Variants in CASK observed in about 807,000 individuals in gnomAD.
The protein encoded by CASK is peripheral plasma membrane protein CASK.
CASK carries 4 observed loss-of-function variants against 82.9 expected under a neutral mutation model. The observed-to-expected ratio is 0.05, with a 90% CI of 0.02 to 0.11. The LOEUF is 0.11. CASK is among the 10% of genes least tolerant of loss of function. The pLI, the probability that CASK is intolerant of heterozygous loss-of-function variation, is 1.00. For missense variants in CASK, 358 were observed against 720.9 expected (o/e 0.50, Z 5.76); for synonymous variants, 259 against 253.5 (o/e 1.02, Z -0.20).
At chrX:41,585,334 A>C (rs1298919897) in intron 14 of CASK, 2 of 113,021 alleles carry the variant, frequency 1.8e-5, no homozygotes, top group Non-Finnish European at 3.7e-5. Context: ...ACTTGAATTC[A>C]GCCTTTAATG....
At chrX:41,733,084 G>A (rs2068428862) in intron 5 of CASK, among the ~76,000 whole-genome samples, 1 of 107,518 alleles carries the variant, frequency 9.3e-6, no homozygotes, top group Non-Finnish European at 1.9e-5. Context: ...GCTGAGGCAG[G>A]AGAATTGCTT....
chrX:41,861,738 G>GTA (rs1299328775), intron 1 of CASK, among the ~76,000 whole-genome samples: 2 of 99,313 alleles, frequency 2.0e-5, no homozygotes, highest in African/African-American at 7.4e-5. Flanking sequence ...CATATATAAT[G>GTA]TATATATATT....
chrX:41,698,951 G>A (rs1276778919), intron 5 of CASK, among the ~76,000 whole-genome samples: 1 of 111,066 alleles, frequency 9.0e-6, no homozygotes, highest in African/African-American at 3.3e-5. Flanking sequence ...TTTTGAGATG[G>A]AGTCTCACTC....
Position 41,649,165 on chromosome X carries a change from C to T in CASK, c.831+11274G>A, listed in dbSNP as rs779940943. Among the ~76,000 whole-genome samples, 79 of 111,053 alleles carry T rather than the reference C, an allele frequency of 7.1e-4. 2 individuals are homozygous for T. In the East Asian group the frequency reaches 0.02, roughly 27 times the overall value. ...TCTCTTTTCTTATTAGTCTTGCTAG[C>T]GGTGTATCAATTTTGTTGATCTTTT... is the stretch of plus-strand genomic sequence containing the variant. On this transcript the variant is annotated intron_variant, in intron 8 of 26. Transcript: ENST00000378163.
intron 4 of CASK, chrX:41,743,449 A>G (rs1464590272): frequency 7.4e-6 from 2 of 270,909 alleles, no homozygotes; most frequent in Non-Finnish European, 1.3e-5. Context: ...AAAAGAGAAT[A>G]TTTAGCTTTA....
At chrX:41,860,522 TA>T (rs2071458428) in intron 1 of CASK, among the ~76,000 whole-genome samples, 1 of 112,325 alleles carries the variant, frequency 8.9e-6, no homozygotes, top group Non-Finnish European at 1.9e-5. Flanking sequence ...ATTTCATCAA[TA>T]AATCCTTTCC....
chrX:41,912,038 C>T (rs770227039), intron 1 of CASK, among the ~76,000 whole-genome samples: 1 of 107,719 alleles, frequency 9.3e-6, no homozygotes, highest in East Asian at 2.9e-4. Flanking sequence ...CCTTGCCCCC[C>T]AACCCCCAAC....
intron 5 of CASK, among the ~76,000 whole-genome samples, chrX:41,710,796 G>A (rs1355886240): frequency 9.0e-6 from 1 of 111,617 alleles, no homozygotes; most frequent in Non-Finnish European, 1.9e-5. Flanking sequence ...AGGGGCTGAA[G>A]GTTAAATTAA....
At chrX:41,774,757 C>T (rs1280820574) in intron 3 of CASK, among the ~76,000 whole-genome samples, 3 of 109,219 alleles carry the variant, frequency 2.7e-5, no homozygotes, top group African/African-American at 6.7e-5. Context: ...TGATCTTTGA[C>T]AAACCTGAGA....
At chrX:41,715,541 G>C (rs6610609) in intron 5 of CASK, among the ~76,000 whole-genome samples, 113 of 108,978 alleles carry the variant, frequency 1.0e-3, no homozygotes, top group African/African-American at 3.6e-3. Flanking sequence ...AGAATCACTT[G>C]AACTCAGGAG....
At position 41,842,935 on chromosome X, in the gene CASK, T is replaced by C. The variant is rs774187371; in HGVS notation, c.172+10180A>G. Among the ~76,000 whole-genome samples, 8 of 112,085 alleles carry C rather than the reference T, an allele frequency of 7.1e-5. No individual in the cohort carries two copies. The South Asian group carries it at 1.5e-3, about 21-fold the overall frequency. ...TTATTCTTTTTGATGCTGTGGTAAA[T>C]GGAATTGCTTTCTTAACTTCATTTT... On this transcript the variant is annotated intron_variant, in intron 2 of 26. Transcript: ENST00000378163.
At chrX:41,816,530 A>G (rs1406329624) in intron 2 of CASK, among the ~76,000 whole-genome samples, 1 of 111,370 alleles carries the variant, frequency 9.0e-6, no homozygotes, top group Non-Finnish European at 1.9e-5. Flanking sequence ...ATAGAATAGG[A>G]AAAAGTAAAT....
chrX:41,582,338 T>C (rs932953944), intron 14 of CASK, among the ~76,000 whole-genome samples: 2 of 111,957 alleles, frequency 1.8e-5, no homozygotes, highest in Admixed American at 9.5e-5. Context: ...TATTTTTAGA[T>C]GGAGTCTCGC....
chrX:41,884,926 T>A (rs1470964482), intron 1 of CASK, among the ~76,000 whole-genome samples: 1 of 112,072 alleles, frequency 8.9e-6, no homozygotes, highest in Non-Finnish European at 1.9e-5. Context: ...GAAAAATGAA[T>A]CCAAATTTAC....
At chrX:41,720,794 T>C (rs758183893) in intron 5 of CASK, among the ~76,000 whole-genome samples, 4 of 111,466 alleles carry the variant, frequency 3.6e-5, no homozygotes, top group Non-Finnish European at 5.7e-5. Flanking sequence ...CCTTGCTATG[T>C]ATAGCCCACC....
chrX:41,654,981 A>G (rs1188666865), intron 8 of CASK, among the ~76,000 whole-genome samples: 1 of 108,542 alleles, frequency 9.2e-6, no homozygotes, highest in East Asian at 2.9e-4. Context: ...TTGGGGACTC[A>G]ACATTTTTTT....
rs771766689 is a variant in CASK, at chrX:41,695,448, T to C, written c.430-23918A>G. The C allele has an allele frequency of 3.5e-5, 14 of 402,215 alleles. No individual in the cohort carries two copies. The South Asian group carries it at 6.7e-4, about 19-fold the overall frequency. The allele number at this position is 402,215 out of a possible 1,213,427, so 33.1% of individuals were successfully genotyped here. ...CTTCTGCTGTAGCCTCCCGAGTAGCTAGGACCATAGGCGTGTGCTGGGAAG... is the reference window on the plus strand; with the variant it reads ...CTTCTGCTGTAGCCTCCCGAGTAGCCAGGACCATAGGCGTGTGCTGGGAAG... On this transcript the variant is annotated intron_variant, in intron 5 of 26. Coordinates refer to ENST00000378163, the MANE Select transcript of CASK (RefSeq NM_001367721.1).
chrX:41,783,719 T>C (rs781212068), intron 3 of CASK, among the ~76,000 whole-genome samples: 2 of 111,694 alleles, frequency 1.8e-5, no homozygotes, highest in African/African-American at 3.3e-5. Flanking sequence ...GGCTGCTTCA[T>C]TCATGGAGTA....
At chrX:41,770,299 C>T (rs5964042) in intron 3 of CASK, among the ~76,000 whole-genome samples, 12,262 of 70,443 alleles carry the variant, frequency 0.17, 919 homozygotes, top group Middle Eastern at 0.24. Flanking sequence ...TATCTATCTA[C>T]CTACCTACCT....
Sources: gnomAD v4.1 joint callset for allele counts (sites outside exome capture counted in the v4.1 genomes callset) on GRCh38, gnomAD v4.1.1 for gene constraint, MANE v1.5 for transcripts, NCBI Gene and HGNC (gene_info 2026-07-23, HGNC 2026-07-21) for gene names.